DMGDH: variants seen among roughly 807,000 people sequenced by gnomAD.
DMGDH encodes the protein dimethylglycine dehydrogenase, also known as dimethylglycine dehydrogenase, mitochondrial.
Under a neutral mutation model 95.2 loss-of-function variants are expected in DMGDH, and 76 were observed. That is an observed-to-expected ratio of 0.80 (90% confidence interval 0.66 to 0.97). DMGDH has a LOEUF of 0.97. Among genes scored for constraint, DMGDH ranks in the 50% least tolerant of loss-of-function variants. DMGDH has a pLI of 0.00. For missense variants in DMGDH, 987 were observed against 1,055.0 expected (o/e 0.94, Z 0.89); for synonymous variants, 345 against 377.6 (o/e 0.91, Z 1.00).
intron 13 of DMGDH, 90 bp from the exon 14 acceptor site, chr5:79,024,420 C>T: frequency 7.9e-7 from 1 of 1,263,286 alleles, no homozygotes; most frequent in Non-Finnish European, 1.2e-6. Flanking sequence ...AGAAAGAACC[C>T]TTTTTGATTT....
chr5:78,998,366 A>G (rs568497737), intron 15 of DMGDH, 69 bp from the exon 16 acceptor site: 1 of 1,453,094 alleles, frequency 6.9e-7, no homozygotes, highest in African/African-American at 1.4e-5. Context: ...TCTGGGTGAA[A>G]AAAAACTAAA....
At chr5:79,036,991 G>A (rs1186776080) in intron 7 of DMGDH, among the ~76,000 whole-genome samples, 7 of 152,014 alleles carry the variant, frequency 4.6e-5, no homozygotes, top group Admixed American at 4.6e-4. Flanking sequence ...TCTATGAGGA[G>A]ACACCAGAGA....
Position 79,069,598 on chromosome 5 carries a change from A to T in DMGDH, c.23T>A (p.Leu8Gln). ...GCTCCGCAGCAGGAGGCCCCGCAGC[A>T]GCTGCGCGCCGGGACGGAGCATGAC... The part of the protein sequence containing the change: MLRPGAQ[L>Q]LRGLLLRSCP... Residue 8 changes from leucine to glutamine, a missense_variant, in exon 1 of 16, where the codon CTG becomes CAG. By Grantham distance (113) the Leu-to-Gln change is moderately radical. Transcript: ENST00000255189. The T allele has an allele frequency of 7.3e-7, 1 of 1,368,316 alleles. No homozygotes were observed. The highest frequency in any genetic ancestry group is 9.4e-7 in the Non-Finnish European group (1 of 1,059,326). 84.8% of individuals were successfully genotyped at this position (1,368,316 alleles called of 1,614,324 possible).
chr5:79,033,434 C>G, intron 7 of DMGDH, 26 bp from the exon 8 acceptor site: 1 of 1,612,966 alleles, frequency 6.2e-7, no homozygotes, highest in Non-Finnish European at 8.5e-7. Flanking sequence ...ATAGAAAACC[C>G]ATTACTAACA....
chr5:79,023,349 A>T (rs1053721839), intron 14 of DMGDH, among the ~76,000 whole-genome samples: 33 of 152,146 alleles, frequency 2.2e-4, no homozygotes, highest in African/African-American at 6.8e-4. Flanking sequence ...CAGCTCTATT[A>T]AGTTGTTTTA....
chr5:79,026,548 T>C lies in DMGDH; in HGVS notation c.2066A>G (p.Glu689Gly). The C allele has an allele frequency of 1.9e-6, 3 of 1,614,068 alleles. No homozygotes were observed. Among genetic ancestry groups the C allele is most frequent in the Non-Finnish European group, 2.5e-6 (3 of 1,180,020 alleles). Residue 689 changes from glutamate (E) to glycine (G), a missense_variant, in exon 13 of 16, where the codon GAA becomes GGA. Glu to Gly is a moderately conservative substitution (Grantham distance 98, BLOSUM62 -2). Transcript: ENST00000255189. The stretch of plus-strand genomic sequence containing the variant: ...AGCGTCATACAGCGCCACAGAATCT[T>C]CTCTTCTGTGATACAGCTCCCAACC... ...ELGWELYHRREDSVALYDAIM... is the reference protein window; with the variant it reads ...ELGWELYHRRGDSVALYDAIM...
chr5:79,003,971 A>AAATAAATAAATAAATAAATAAATAAAT, intron 15 of DMGDH, among the ~76,000 whole-genome samples: 1 of 139,608 alleles, frequency 7.2e-6, no homozygotes, highest in African/African-American at 2.6e-5. Context: ...AATAAATAAA[A>AAATAAATAAATAAATAAATAAATAAAT]ATAAAATAAA....
At chr5:79,012,133 G>T (rs1042001136) in intron 14 of DMGDH, among the ~76,000 whole-genome samples, 10 of 152,082 alleles carry the variant, frequency 6.6e-5, no homozygotes, top group Non-Finnish European at 1.0e-4. Flanking sequence ...AAACAAGTTA[G>T]TTACCTCTAA....
At chr5:79,065,219 CT>C (rs35123793) in intron 1 of DMGDH, among the ~76,000 whole-genome samples, 48,384 of 129,354 alleles carry the variant, frequency 0.37, 9,614 homozygotes, top group East Asian at 0.61. Context: ...TTTTCTTTTC[CT>C]TTTTTTTTTT....
At chr5:79,019,250 A>G (rs1282872676) in intron 14 of DMGDH, among the ~76,000 whole-genome samples, 2 of 152,188 alleles carry the variant, frequency 1.3e-5, no homozygotes, top group African/African-American at 2.4e-5. Context: ...CAGTTCTAAA[A>G]GAAAAAACAA....
chr5:79,045,890 TTGTG>T (rs1325489097), intron 5 of DMGDH, among the ~76,000 whole-genome samples: 2 of 152,210 alleles, frequency 1.3e-5, no homozygotes, highest in African/African-American at 2.4e-5. Context: ...GATTATGTAC[TTGTG>T]TGTGTAAGTT....
In DMGDH at chr5:79,032,699, T is replaced by C. The variant is rs1697524538; in HGVS notation, c.1505A>G (p.Asp502Gly). 1 of 1,614,054 alleles carries C rather than the reference T, an allele frequency of 6.2e-7. No individual in the cohort carries two copies. The highest frequency in any genetic ancestry group is 1.3e-5 in the African/African-American group (1 of 74,930). The change falls in exon 9 of 16, where the codon GAC becomes GGC. Residue 502 changes from aspartate (D) to glycine (G), a missense_variant. By Grantham distance (94) the Asp-to-Gly change is moderately conservative. Transcript: ENST00000255189. ...QPHWFYKPGQ[D>G]TQYRPSFRRT... ...GTCCTTCTCCCACCTGTACTGAGTGTCCTGGCCTGGTTTGTAGAACCAGTG... is the reference window on the plus strand; with the variant it reads ...GTCCTTCTCCCACCTGTACTGAGTGCCCTGGCCTGGTTTGTAGAACCAGTG...
intron 5 of DMGDH, among the ~76,000 whole-genome samples, chr5:79,046,602 G>A (rs751579247): frequency 3.9e-5 from 6 of 152,092 alleles, no homozygotes; most frequent in Non-Finnish European, 8.8e-5. Context: ...GCCCAGGCTG[G>A]TCTTGAACTC....
chr5:79,028,180 G>T (rs933683), intron 12 of DMGDH, among the ~76,000 whole-genome samples: 53,386 of 151,482 alleles, frequency 0.35, 10,702 homozygotes, highest in African/African-American at 0.56. Context: ...GGTAGGCAGC[G>T]ATGGGACTGG....
intron 14 of DMGDH, among the ~76,000 whole-genome samples, chr5:79,005,790 T>G (rs1202912800): frequency 6.6e-6 from 1 of 152,176 alleles, no homozygotes; most frequent in African/African-American, 2.4e-5. Context: ...TAGAAAGTCT[T>G]TTACCTGAAG....
At chr5:79,001,493 T>G (rs957379815) in intron 15 of DMGDH, among the ~76,000 whole-genome samples, 1 of 152,204 alleles carries the variant, frequency 6.6e-6, no homozygotes, top group Non-Finnish European at 1.5e-5. Flanking sequence ...ACTTTCTTGA[T>G]AACCTTGTTT....
chr5:79,029,442 G>A (rs1320252628), intron 11 of DMGDH, among the ~76,000 whole-genome samples: 2 of 152,160 alleles, frequency 1.3e-5, no homozygotes, highest in African/African-American at 2.4e-5. Context: ...ATCCAGCTGT[G>A]GGCCAGAAAG....
At chr5:79,035,645 T>A (rs868611249) in intron 7 of DMGDH, among the ~76,000 whole-genome samples, 1 of 144,274 alleles carries the variant, frequency 6.9e-6, no homozygotes, top group African/African-American at 2.5e-5. Context: ...TGATTTCCTA[T>A]GGCCTGGCTG....
In DMGDH at chr5:79,032,799, G is replaced by C; in HGVS notation, c.1405C>G (p.Gln469Glu). 1 of 1,614,178 alleles carries C rather than the reference G, an allele frequency of 6.2e-7. No individual in the cohort carries two copies. The highest frequency in any genetic ancestry group is 8.5e-7 in the Non-Finnish European group (1 of 1,180,038). The change falls in exon 9 of 16, where the codon CAA becomes GAA. Residue 469 changes from glutamine to glutamate, a missense_variant. By Grantham distance (29) the Gln-to-Glu change is conservative. Coordinates refer to ENST00000255189, the MANE Select transcript of DMGDH (RefSeq NM_013391.3). ...CTTTGATAGAGCCCACTGACTCGTT[G>C]AGTCGGCCTCCCAGCAAACCGTTCT... ...KEERFAGRPTQRVSGLYQRLE... is the reference protein window; with the variant it reads ...KEERFAGRPTERVSGLYQRLE...
Sources: gnomAD v4.1 joint callset for allele counts (sites outside exome capture counted in the v4.1 genomes callset) on GRCh38, gnomAD v4.1.1 for gene constraint, MANE v1.5 for transcripts, NCBI Gene and HGNC (gene_info 2026-07-23, HGNC 2026-07-21) for gene names.